PAK3: variants seen among roughly 807,000 people sequenced by gnomAD.
PAK3 encodes serine/threonine-protein kinase PAK 3.
In PAK3, 4 loss-of-function variants were observed where a neutral mutation model predicts 41.0. The ratio of observed to expected loss-of-function variants is 0.10; its 90% CI spans 0.05 to 0.22. The LOEUF (loss-of-function observed/expected upper bound fraction) is 0.22. Among genes scored for constraint, PAK3 ranks in the 10% least tolerant of loss-of-function variants. The pLI, the probability that PAK3 is intolerant of heterozygous loss-of-function variation, is 1.00. For synonymous variants in PAK3, 146 were observed against 139.6 expected, an observed-to-expected ratio of 1.05 and a Z score of -0.32; for missense variants, 205 against 409.9, an observed-to-expected ratio of 0.50 and a Z score of 4.32.
At position 111,011,780 on chromosome X, in the gene PAK3, TA is replaced by T. The variant is rs1321926100; in HGVS notation, c.-28+67153del. ...TGTATTCAGGCATGTAAGACATCCA[TA>T]GGGGATTTTGCTGTTTGTACTAGAA... On this transcript the variant is annotated intron_variant, in intron 1 of 14. Transcript: ENST00000425146. Among the ~76,000 whole-genome samples, 3 of 111,987 alleles carry T rather than the reference TA, an allele frequency of 2.7e-5. No homozygotes were observed. The East Asian group carries it at 8.5e-4, about 32-fold the overall frequency.
intron 16 of PAK3, among the ~76,000 whole-genome samples, chrX:111,211,535 G>A (rs1038219691): frequency 1.8e-5 from 2 of 109,182 alleles, no homozygotes; most frequent in Non-Finnish European, 3.8e-5. Context: ...AATTAGCTGG[G>A]CATGGTGGTG....
chrX:111,205,393 G>A (rs1342774730), intron 16 of PAK3, among the ~76,000 whole-genome samples: 1 of 110,949 alleles, frequency 9.0e-6, no homozygotes, highest in Non-Finnish European at 1.9e-5. Flanking sequence ...ACAGCCTACA[G>A]CCTTCCCCAA....
intron 3 of PAK3, among the ~76,000 whole-genome samples, chrX:111,102,418 G>A (rs189774385): frequency 8.9e-6 from 1 of 112,332 alleles, no homozygotes. Context: ...TCCAATTAGG[G>A]TCAGAGGCTG....
At chrX:110,958,201 G>A (rs904365096) in intron 1 of PAK3, among the ~76,000 whole-genome samples, 5 of 111,986 alleles carry the variant, frequency 4.5e-5, no homozygotes, top group East Asian at 2.8e-4. Context: ...ACAGTGAACC[G>A]GGAGAAAGTG....
At chrX:111,022,292 C>T (rs2092197849) in intron 1 of PAK3, among the ~76,000 whole-genome samples, 1 of 111,920 alleles carries the variant, frequency 8.9e-6, no homozygotes, top group African/African-American at 3.2e-5. Flanking sequence ...CATCGGGTAA[C>T]TTACAAAGGA....
At chrX:111,098,548 C>T (rs1414309836) in intron 3 of PAK3, 2 of 111,038 alleles carry the variant, frequency 1.8e-5, no homozygotes, top group Non-Finnish European at 3.8e-5. Context: ...AGCATCCCCA[C>T]CCACGTAACC....
chrX:111,025,571 A>G (rs1050630455), intron 1 of PAK3, among the ~76,000 whole-genome samples: 1 of 110,940 alleles, frequency 9.0e-6, no homozygotes, highest in African/African-American at 3.3e-5. Flanking sequence ...GAAATATACA[A>G]CCCTCCTAGA....
chrX:111,126,119 C>T (rs919088976), intron 5 of PAK3, among the ~76,000 whole-genome samples: 1 of 111,621 alleles, frequency 9.0e-6, no homozygotes. Flanking sequence ...CATTGCTTCT[C>T]TGTCACCCCC....
At chrX:110,967,467 G>A (rs2091105133) in intron 1 of PAK3, among the ~76,000 whole-genome samples, 1 of 111,205 alleles carries the variant, frequency 9.0e-6, no homozygotes, top group South Asian at 3.9e-4. Flanking sequence ...GGACCAGACT[G>A]GTAGCTTAAT....
At chrX:111,011,668 C>T (rs947048575) in intron 1 of PAK3, among the ~76,000 whole-genome samples, 1 of 112,351 alleles carries the variant, frequency 8.9e-6, no homozygotes, top group Non-Finnish European at 1.9e-5. Flanking sequence ...TGTTCTCCTC[C>T]GTTCTTCTGC....
At chrX:111,157,124 T>A (rs760588177) in intron 8 of PAK3, among the ~76,000 whole-genome samples, 2 of 111,507 alleles carry the variant, frequency 1.8e-5, no homozygotes, top group South Asian at 7.7e-4. Flanking sequence ...GCATCAGAAT[T>A]TCATGGGGAT....
At chrX:111,125,353 C>T (rs959055873) in intron 5 of PAK3, among the ~76,000 whole-genome samples, 9 of 111,046 alleles carry the variant, frequency 8.1e-5, no homozygotes, top group Middle Eastern at 4.6e-3. Context: ...CAATCATTGG[C>T]GGAAGTTGAA....
intron 16 of PAK3, among the ~76,000 whole-genome samples, chrX:111,203,906 A>G (rs922648161): frequency 1.8e-5 from 2 of 111,695 alleles, no homozygotes; most frequent in Non-Finnish European, 3.8e-5. Context: ...GTATTTCAGG[A>G]AGAGCTGGGA....
intron 1 of PAK3, among the ~76,000 whole-genome samples, chrX:110,972,236 C>A (rs1252789461): frequency 1.8e-5 from 2 of 111,536 alleles, no homozygotes; most frequent in Non-Finnish European, 3.8e-5. Flanking sequence ...CAGTGCTTCA[C>A]TGCGTTTGAG....
At chrX:111,058,149 C>A (rs746846892) in intron 1 of PAK3, among the ~76,000 whole-genome samples, 1 of 111,954 alleles carries the variant, frequency 8.9e-6, no homozygotes, top group Non-Finnish European at 1.9e-5. Flanking sequence ...TATTCCTATA[C>A]AAGTTTTTGT....
chrX:111,072,690 G>A (rs1221946213), intron 1 of PAK3, among the ~76,000 whole-genome samples: 1 of 112,287 alleles, frequency 8.9e-6, no homozygotes, highest in Non-Finnish European at 1.9e-5. Context: ...TTATGCAGAG[G>A]AGGGCTGTGT....
At chrX:110,990,424 T>C (rs1198972551) in intron 1 of PAK3, among the ~76,000 whole-genome samples, 2 of 111,684 alleles carry the variant, frequency 1.8e-5, no homozygotes, top group Non-Finnish European at 3.8e-5. Context: ...CCTATCTGCC[T>C]CCATGAGCTT....
rs765627731 is a variant in PAK3 at position 111,065,809 on chromosome X, T to C, written c.-27-57268T>C. On this transcript the variant is annotated intron_variant, in intron 1 of 14. Transcript: ENST00000425146. ...TTGGAAGATTGTGCATTGCCAGGAA[T>C]TTATCCATTTAGTCTAGATTTTCTA... Among the ~76,000 whole-genome samples, 135 of 111,811 alleles carry C rather than the reference T, an allele frequency of 1.2e-3. 1 individual carries two copies. Among genetic ancestry groups the C allele is most frequent in the African/African-American group, 4.2e-3 (131 of 30,862 alleles).
intron 1 of PAK3, among the ~76,000 whole-genome samples, chrX:111,012,846 A>C (rs1201036506): frequency 8.9e-6 from 1 of 111,887 alleles, no homozygotes; most frequent in Non-Finnish European, 1.9e-5. Flanking sequence ...GTGGTGGTAC[A>C]ATAATGGCTC....
Sources: gnomAD v4.1 joint callset for allele counts (sites outside exome capture counted in the v4.1 genomes callset) on GRCh38, gnomAD v4.1.1 for gene constraint, MANE v1.5 for transcripts, NCBI Gene and HGNC (gene_info 2026-07-23, HGNC 2026-07-21) for gene names.